FAM107B: variants seen among roughly 807,000 people sequenced by gnomAD.
FAM107B encodes family with sequence similarity 107 member B, also known as protein FAM107B.
Under a neutral mutation model 31.5 loss-of-function variants are expected in FAM107B, and 21 were observed. That is an observed-to-expected ratio of 0.67 (90% CI 0.47 to 0.96). The LOEUF (loss-of-function observed/expected upper bound fraction) is 0.96, where lower values mean the gene tolerates loss of function less well. Ranked by LOEUF, FAM107B falls within the 40% of genes least tolerant of loss-of-function variation. FAM107B has a pLI of 0.00. For synonymous variants in FAM107B, 157 were observed against 141.5 expected (o/e 1.11, Z -0.78); for missense variants, 452 against 377.1 (o/e 1.20, Z -1.64).
At chr10:14,691,969 T>C (rs1855148775) in intron 1 of FAM107B, among the ~76,000 whole-genome samples, 1 of 151,214 alleles carries the variant, frequency 6.6e-6, no homozygotes, top group Non-Finnish European at 1.5e-5. Flanking sequence ...GAAGACCCCA[T>C]GCTTCTACCT....
intron 1 of FAM107B, among the ~76,000 whole-genome samples, chr10:14,696,804 T>C (rs906650883): frequency 3.9e-5 from 6 of 152,210 alleles, no homozygotes; most frequent in African/African-American, 1.4e-4. Flanking sequence ...CAATCTGACT[T>C]TGCAGAGAAG....
chr10:14,766,553 T>C (rs889431623), intron 1 of FAM107B, among the ~76,000 whole-genome samples: 1 of 152,034 alleles, frequency 6.6e-6, no homozygotes, highest in Admixed American at 6.5e-5. Flanking sequence ...AGGGATTTGA[T>C]TTTTACTCTG....
chr10:14,593,674 C>T (rs999613118), intron 2 of FAM107B, among the ~76,000 whole-genome samples: 3 of 148,308 alleles, frequency 2.0e-5, no homozygotes, highest in African/African-American at 2.5e-5. Flanking sequence ...AGCCAGGGGA[C>T]GAGACTGAGA....
intron 1 of FAM107B, among the ~76,000 whole-genome samples, chr10:14,727,747 G>A (rs1856070710): frequency 6.6e-6 from 1 of 152,174 alleles, no homozygotes; most frequent in African/African-American, 2.4e-5. Context: ...AGGGCTTCTA[G>A]GGAAACCCAC....
intron 2 of FAM107B, among the ~76,000 whole-genome samples, chr10:14,550,864 T>C (rs1013776199): frequency 7.9e-5 from 12 of 152,220 alleles, no homozygotes; most frequent in Admixed American, 7.2e-4. Context: ...AACATACTCA[T>C]AATGAAAACT....
At position 14,671,905 on chromosome 10, in the gene FAM107B, C is replaced by CAAAAAA. The variant is rs1564621080; in HGVS notation, c.412-4215_412-4214insTTTTTT. ...AAAAACAAAAAAACAAAAAAAAAAC[C>CAAAAAA]CTCTATTTCTTTTTAAATCAAACTG... On this transcript the variant is annotated intron_variant, in intron 1 of 4. Transcript: ENST00000181796. Among the ~76,000 whole-genome samples, 711 of 137,668 alleles carry CAAAAAA rather than the reference C, an allele frequency of 5.2e-3. 27 individuals are homozygous for CAAAAAA. The highest frequency in any genetic ancestry group is 0.019 in the African/African-American group (669 of 34,552). The allele number at this position is 137,668 out of a possible 152,430, so 90.3% of individuals were successfully genotyped here.
intron 2 of FAM107B, among the ~76,000 whole-genome samples, chr10:14,556,888 C>T (rs1849753003): frequency 6.6e-6 from 1 of 152,226 alleles, no homozygotes; most frequent in Admixed American, 6.5e-5. Context: ...CCTGGGCCTG[C>T]TTCTCATGCC....
chr10:14,660,405 A>G (rs1307834750), intron 2 of FAM107B, among the ~76,000 whole-genome samples: 1 of 152,246 alleles, frequency 6.6e-6, no homozygotes, highest in Non-Finnish European at 1.5e-5. Context: ...TTATTTTCAA[A>G]AAGAATTATC....
intron 2 of FAM107B, among the ~76,000 whole-genome samples, chr10:14,623,465 G>A (rs1291388983): frequency 6.6e-6 from 1 of 152,258 alleles, no homozygotes; most frequent in Non-Finnish European, 1.5e-5. Context: ...ACAGAGAGCT[G>A]AGATGGGCAC....
chr10:14,592,961 T>C (rs1243639398), intron 2 of FAM107B, among the ~76,000 whole-genome samples: 2 of 152,208 alleles, frequency 1.3e-5, no homozygotes, highest in Non-Finnish European at 2.9e-5. Flanking sequence ...TGAGGATTTC[T>C]AACTGGCCAC....
chr10:14,684,696 C>T (rs553521658), intron 1 of FAM107B, among the ~76,000 whole-genome samples: 4 of 152,290 alleles, frequency 2.6e-5, no homozygotes, highest in Non-Finnish European at 4.4e-5. Context: ...AACTGAGACA[C>T]ACTTTTTTAT....
intron 2 of FAM107B, among the ~76,000 whole-genome samples, chr10:14,665,379 G>A (rs911154240): frequency 6.6e-6 from 1 of 152,186 alleles, no homozygotes; most frequent in African/African-American, 2.4e-5. Flanking sequence ...ACCCTGAGGT[G>A]TCATAAAAGA....
chr10:14,638,341 T>C (rs936783015), intron 2 of FAM107B, among the ~76,000 whole-genome samples: 1 of 152,144 alleles, frequency 6.6e-6, no homozygotes, highest in African/African-American at 2.4e-5. Flanking sequence ...GTCCTCCATA[T>C]TGCTAGAAGT....
At chr10:14,595,910 G>A (rs1852174087) in intron 2 of FAM107B, among the ~76,000 whole-genome samples, 1 of 152,158 alleles carries the variant, frequency 6.6e-6, no homozygotes, top group South Asian at 2.1e-4. Flanking sequence ...GCCCTCTGCA[G>A]TCCCCGTGGC....
intron 2 of FAM107B, among the ~76,000 whole-genome samples, chr10:14,629,011 T>C (rs1293757920): frequency 1.3e-5 from 2 of 151,042 alleles, no homozygotes; most frequent in Non-Finnish European, 2.9e-5. Flanking sequence ...ATAAATATGT[T>C]ATATATATAT....
chr10:14,604,574 A>G (rs61842710), intron 2 of FAM107B, among the ~76,000 whole-genome samples: 25,795 of 151,094 alleles, frequency 0.17, 2,406 homozygotes, highest in East Asian at 0.31. Flanking sequence ...CGGGAGGGGC[A>G]CCAGCCGGGG....
chr10:14,566,337 G>T (rs2131217017), intron 2 of FAM107B, among the ~76,000 whole-genome samples: 1 of 152,298 alleles, frequency 6.6e-6, no homozygotes, highest in South Asian at 2.1e-4. Flanking sequence ...GTGATGAGAT[G>T]TCACTCCTGT....
rs938523385 is a variant in FAM107B at position 14,759,312 on chromosome 10, T to G, written c.411+14941A>C. The stretch of plus-strand genomic sequence containing the variant: ...ACAGTGCCAGCAGACTGACTTTTAT[T>G]TTTTTTAAATCTTTGTTCTTTAAGC... On this transcript the variant is annotated intron_variant, in intron 1 of 4. Coordinates refer to ENST00000181796, the MANE Select transcript of FAM107B (RefSeq NM_031453.4). Among the ~76,000 whole-genome samples, 99 of 152,304 alleles carry G rather than the reference T, an allele frequency of 6.5e-4. 1 individual carries two copies. The highest frequency in any genetic ancestry group is 2.1e-3 in the African/African-American group (88 of 41,560).
chr10:14,718,869 C>T (rs574303922), intron 1 of FAM107B, among the ~76,000 whole-genome samples: 13 of 152,282 alleles, frequency 8.5e-5, no homozygotes, highest in African/African-American at 3.1e-4. Flanking sequence ...TTGAGTGTGC[C>T]TCTTCACGTA....
Sources: allele counts gnomAD v4.1 joint callset (sites outside exome capture counted in the v4.1 genomes callset), GRCh38; gene constraint gnomAD v4.1.1; transcripts MANE v1.5; gene names NCBI Gene and HGNC (gene_info 2026-07-23, HGNC 2026-07-21).